Variants in GRID2 observed in about 807,000 individuals in gnomAD.
GRID2 encodes the protein glutamate ionotropic receptor delta type subunit 2.
In GRID2, 33 loss-of-function variants were observed where a neutral mutation model predicts 114.8. That is an observed-to-expected ratio of 0.29 (90% CI 0.22 to 0.38). The LOEUF (loss-of-function observed/expected upper bound fraction) is 0.38. GRID2 is among the 10% of genes least tolerant of loss of function. The pLI is 1.00. For missense variants in GRID2, 1,184 were observed against 1,257.7 expected (o/e 0.94, Z 0.89); for synonymous variants, 505 against 449.9 (o/e 1.12, Z -1.55).
chr4:93,183,403 A>G (rs1228740652), intron 4 of GRID2, among the ~76,000 whole-genome samples: 2 of 152,190 alleles, frequency 1.3e-5, no homozygotes, highest in South Asian at 2.1e-4. Context: ...TTCAATACTC[A>G]AAAATGATAG....
At chr4:93,022,966 C>G (rs1723524652) in intron 2 of GRID2, among the ~76,000 whole-genome samples, 1 of 151,532 alleles carries the variant, frequency 6.6e-6, no homozygotes, top group African/African-American at 2.4e-5. Flanking sequence ...TATTTCATCC[C>G]AAATCTACAG....
At chr4:92,886,826 C>A (rs1247117068) in intron 2 of GRID2, among the ~76,000 whole-genome samples, 1 of 151,984 alleles carries the variant, frequency 6.6e-6, no homozygotes, top group Non-Finnish European at 1.5e-5. Context: ...GGGGTTTCAC[C>A]GTGTTAGCCA....
chr4:93,772,671 C>T lies in GRID2; in HGVS notation c.*173C>T. ...CCTCTCCTCTCTCCTCTATGATTTT[C>T]TCTCTTTCCCCCTCCCTTCCTGTAC... On this transcript the variant is annotated 3_prime_UTR_variant, in exon 16 of 16. Coordinates refer to ENST00000282020, the MANE Select transcript of GRID2 (RefSeq NM_001510.4). 1 of 550,196 alleles carries T rather than the reference C, an allele frequency of 1.8e-6. No individual in the cohort carries two copies. The highest frequency in any genetic ancestry group is 3.2e-6 in the Non-Finnish European group (1 of 316,230). 34.1% of individuals were successfully genotyped at this position (550,196 alleles called of 1,614,324 possible). A position where few individuals can be genotyped will look rare whatever the true frequency, so the allele number is the denominator to read the frequency against.
chr4:92,516,809 A>T (rs1724523607), intron 1 of GRID2, among the ~76,000 whole-genome samples: 1 of 151,764 alleles, frequency 6.6e-6, no homozygotes, highest in Admixed American at 6.6e-5. Context: ...CGACACTCTC[A>T]TCTTCTTTAT....
intron 13 of GRID2, among the ~76,000 whole-genome samples, chr4:93,525,377 G>C (rs1041191999): frequency 2.0e-5 from 3 of 152,160 alleles, no homozygotes; most frequent in African/African-American, 7.2e-5. Flanking sequence ...CCAGTTAGAA[G>C]AGAAGGTGCT....
At chr4:92,457,482 T>C (rs1721274901) in intron 1 of GRID2, among the ~76,000 whole-genome samples, 1 of 152,162 alleles carries the variant, frequency 6.6e-6, no homozygotes. Context: ...ATTTCTTTTA[T>C]GCGCATCGAA....
chr4:93,548,031 G>T (rs756094909), intron 13 of GRID2, among the ~76,000 whole-genome samples: 16 of 152,018 alleles, frequency 1.1e-4, no homozygotes, highest in Non-Finnish European at 2.1e-4. Flanking sequence ...ACAAAAATTA[G>T]CTGGGCACGG....
At chr4:93,601,990 C>T (rs1033962533) in intron 13 of GRID2, among the ~76,000 whole-genome samples, 15 of 152,128 alleles carry the variant, frequency 9.9e-5, no homozygotes, top group African/African-American at 3.4e-4. Context: ...GAACTATCAT[C>T]ACCTTAAAAT....
intron 2 of GRID2, among the ~76,000 whole-genome samples, chr4:92,815,577 A>G (rs890658437): frequency 1.3e-5 from 2 of 152,064 alleles, no homozygotes; most frequent in African/African-American, 4.8e-5. Flanking sequence ...TTGTACTAAC[A>G]CATGTTGATT....
intron 1 of GRID2, among the ~76,000 whole-genome samples, chr4:92,351,858 A>G (rs1039279846): frequency 6.6e-6 from 1 of 151,934 alleles, no homozygotes; most frequent in Admixed American, 6.6e-5. Context: ...ATGACTCAGT[A>G]GTATTCTAAT....
At chr4:93,030,890 A>T (rs1181208780) in intron 2 of GRID2, among the ~76,000 whole-genome samples, 2 of 152,048 alleles carry the variant, frequency 1.3e-5, no homozygotes, top group African/African-American at 4.8e-5. Flanking sequence ...AGAGAAGAGG[A>T]AGAGAGAAAA....
intron 11 of GRID2, among the ~76,000 whole-genome samples, chr4:93,461,280 A>G (rs962138927): frequency 2.6e-5 from 4 of 152,130 alleles, no homozygotes; most frequent in African/African-American, 9.7e-5. Context: ...TGAATTCATT[A>G]AAAGACACTG....
chr4:92,699,282 C>T (rs1485165090), intron 2 of GRID2, among the ~76,000 whole-genome samples: 1 of 152,090 alleles, frequency 6.6e-6, no homozygotes, highest in Non-Finnish European at 1.5e-5. Context: ...AGGAAATAAA[C>T]TGATAATGCT....
intron 2 of GRID2, among the ~76,000 whole-genome samples, chr4:92,655,634 C>G (rs990937714): frequency 1.3e-5 from 2 of 151,188 alleles, no homozygotes; most frequent in Non-Finnish European, 3.0e-5. Context: ...TTTTTTGTAG[C>G]CACTCTAAAT....
chr4:92,461,705 G>A (rs1721504816), intron 1 of GRID2, among the ~76,000 whole-genome samples: 1 of 151,810 alleles, frequency 6.6e-6, no homozygotes, highest in African/African-American at 2.4e-5. Flanking sequence ...TTTTGTTGTT[G>A]TTGTTGTTTA....
At chr4:93,348,174 A>G (rs1760431900) in intron 8 of GRID2, among the ~76,000 whole-genome samples, 1 of 152,170 alleles carries the variant, frequency 6.6e-6, no homozygotes, top group Non-Finnish European at 1.5e-5. Flanking sequence ...TATATCTACT[A>G]TATTGCTTAT....
In GRID2 at chr4:93,216,775, G is replaced by A; in HGVS notation, c.827G>A (p.Arg276Lys). The A allele has an allele frequency of 1.2e-6, 2 of 1,612,300 alleles. No individual in the cohort carries two copies. The highest frequency in any genetic ancestry group is 2.2e-5 in the East Asian group (1 of 44,830). ...GTGGACGTACAGGAACTTGTAAGAA[G>A]GTCAATTGGAAGGTTAACGATTATT... ...NDVDVQELVR[R>K]SIGRLTIIRQ... Residue 276 changes from arginine (R) to lysine (K), a missense_variant, in exon 6 of 16, where the codon AGG (arginine) becomes AAG (lysine). Transcript: ENST00000282020.
chr4:93,605,142 T>C (rs964292776), intron 13 of GRID2, among the ~76,000 whole-genome samples: 5 of 152,182 alleles, frequency 3.3e-5, no homozygotes, highest in African/African-American at 1.2e-4. Flanking sequence ...TACTTTTCCA[T>C]AGGAACAAAT....
intron 4 of GRID2, among the ~76,000 whole-genome samples, chr4:93,177,254 A>T (rs796631483): frequency 1.8e-4 from 27 of 152,070 alleles, no homozygotes; most frequent in South Asian, 6.2e-4. Flanking sequence ...TTGCATTTTT[A>T]AAAAATATAT....
Sources: allele counts gnomAD v4.1 joint callset (sites outside exome capture counted in the v4.1 genomes callset), GRCh38; gene constraint gnomAD v4.1.1; transcripts MANE v1.5; gene names NCBI Gene and HGNC (gene_info 2026-07-23, HGNC 2026-07-21).